GALNT13: variants seen among roughly 807,000 people sequenced by gnomAD.
The protein encoded by GALNT13 is UDP-GalNAc:polypeptide N-acetylgalactosaminyltransferase 13.
Under a neutral mutation model 64.2 loss-of-function variants are expected in GALNT13, and 28 were observed. That is an observed-to-expected ratio of 0.44 (90% confidence interval 0.32 to 0.60). The LOEUF (loss-of-function observed/expected upper bound fraction) is 0.60, where lower values mean the gene tolerates loss of function less well. Ranked by LOEUF, GALNT13 falls within the 20% of genes least tolerant of loss-of-function variation. The pLI is 0.05. For synonymous variants in GALNT13, 214 were observed against 224.6 expected (o/e 0.95, Z 0.42); for missense variants, 577 against 669.8 (o/e 0.86, Z 1.53).
chr2:153,787,392 AC>A, the GALNT13 span, among the ~76,000 whole-genome samples: 1 of 152,156 alleles, frequency 6.6e-6, no homozygotes, highest in Non-Finnish European at 1.5e-5. Context: ...GCAAATAAAG[AC>A]CCTGTACAAA....
the GALNT13 span, among the ~76,000 whole-genome samples, chr2:153,739,819 G>A: frequency 1.3e-5 from 2 of 151,398 alleles, no homozygotes; most frequent in Admixed American, 6.6e-5. Flanking sequence ...GTATATTGGT[G>A]TATAATTCTC....
chr2:154,237,791 A>G (rs1226227230), intron 4 of GALNT13, among the ~76,000 whole-genome samples: 2 of 151,706 alleles, frequency 1.3e-5, no homozygotes, highest in Non-Finnish European at 3.0e-5. Flanking sequence ...TACTGCATGT[A>G]TTGAGTTTAA....
chr2:153,800,773 C>T, the GALNT13 span, among the ~76,000 whole-genome samples: 1 of 152,148 alleles, frequency 6.6e-6, no homozygotes, highest in Non-Finnish European at 1.5e-5. Flanking sequence ...TCTTCAAAGT[C>T]TACTCCTAAT....
At chr2:153,101,198 T>G in the GALNT13 span, among the ~76,000 whole-genome samples, 1 of 152,178 alleles carries the variant, frequency 6.6e-6, no homozygotes, top group Non-Finnish European at 1.5e-5. Flanking sequence ...ACACAATTGC[T>G]TTGTGTGAAT....
the GALNT13 span, among the ~76,000 whole-genome samples, chr2:153,734,503 C>T: frequency 2.0e-5 from 3 of 152,142 alleles, no homozygotes; most frequent in Non-Finnish European, 4.4e-5. Context: ...CATACAGAAG[C>T]AGCCTTCTTA....
intron 4 of GALNT13, among the ~76,000 whole-genome samples, chr2:154,234,259 A>G (rs1347714441): frequency 6.6e-6 from 1 of 152,202 alleles, no homozygotes; most frequent in Non-Finnish European, 1.5e-5. Flanking sequence ...TAGAGATCTT[A>G]TCTATAATAT....
the GALNT13 span, among the ~76,000 whole-genome samples, chr2:153,143,609 G>T: frequency 4.6e-5 from 7 of 152,054 alleles, no homozygotes; most frequent in African/African-American, 1.7e-4. Context: ...TGCAAAGCAA[G>T]TAGCAAAGTC....
chr2:154,247,012 A>G (rs992391224), intron 7 of GALNT13, among the ~76,000 whole-genome samples: 5 of 152,050 alleles, frequency 3.3e-5, no homozygotes, highest in African/African-American at 7.2e-5. Context: ...TGACTTATCT[A>G]TTGTCACCTA....
the GALNT13 span, among the ~76,000 whole-genome samples, chr2:153,360,136 C>G: frequency 9.8e-4 from 149 of 152,266 alleles, 3 homozygotes; most frequent in South Asian, 0.031. Context: ...TGGCATGACC[C>G]ACAGAGAAGG....
At chr2:153,630,803 ATATATTTTTTTTTTT>A in the GALNT13 span, among the ~76,000 whole-genome samples, 1 of 17,534 alleles carries the variant, frequency 5.7e-5, no homozygotes, top group African/African-American at 2.2e-4. Context: ...ATATATATAT[ATATATTTTTTTTTTT>A]TTTTTTATTA....
At chr2:154,297,852 T>C (rs1559074642) in intron 8 of GALNT13, among the ~76,000 whole-genome samples, 1 of 152,052 alleles carries the variant, frequency 6.6e-6, no homozygotes, top group Non-Finnish European at 1.5e-5. Context: ...TCTGGGTGAA[T>C]GTTGGCACCA....
intron 3 of GALNT13, among the ~76,000 whole-genome samples, chr2:153,974,281 T>A (rs149559731): frequency 3.3e-5 from 5 of 152,160 alleles, no homozygotes; most frequent in Non-Finnish European, 5.9e-5. Context: ...AATACTTTCC[T>A]AAATATTTGC....
At chr2:153,583,193 A>C in the GALNT13 span, among the ~76,000 whole-genome samples, 4 of 152,352 alleles carry the variant, frequency 2.6e-5, no homozygotes, top group African/African-American at 9.6e-5. Flanking sequence ...CTGAGATGCC[A>C]GGAATAAATA....
intron 4 of GALNT13, among the ~76,000 whole-genome samples, chr2:154,168,010 G>T (rs921255087): frequency 9.2e-5 from 14 of 152,164 alleles, no homozygotes; most frequent in African/African-American, 3.4e-4. Context: ...CAGGTGGGGA[G>T]GGCATCAGTG....
intron 4 of GALNT13, among the ~76,000 whole-genome samples, chr2:154,194,660 A>G (rs1391184262): frequency 6.6e-6 from 1 of 152,066 alleles, no homozygotes; most frequent in Non-Finnish European, 1.5e-5. Flanking sequence ...CAATATTGTT[A>G]TTAGCTAAGA....
chr2:154,222,712 A>C (rs1361656738), intron 4 of GALNT13, among the ~76,000 whole-genome samples: 1 of 152,054 alleles, frequency 6.6e-6, no homozygotes, highest in Admixed American at 6.6e-5. Context: ...TACTTTTGTC[A>C]CATTATTTTC....
chr2:153,743,659 C>A, the GALNT13 span, among the ~76,000 whole-genome samples: 2 of 151,982 alleles, frequency 1.3e-5, no homozygotes, highest in Admixed American at 6.6e-5. Context: ...CAAATATTGA[C>A]CCTCTGTGTT....
chr2:153,772,165 A>T, the GALNT13 span, among the ~76,000 whole-genome samples: 5 of 152,194 alleles, frequency 3.3e-5, no homozygotes, highest in African/African-American at 1.2e-4. Flanking sequence ...ATGCAGAGCA[A>T]CTACTCCAAT....
At chr2:153,674,329 G>T in the GALNT13 span, among the ~76,000 whole-genome samples, 1 of 152,114 alleles carries the variant, frequency 6.6e-6, no homozygotes, top group East Asian at 1.9e-4. Context: ...AACCAAAACA[G>T]CATGGTACTG....
Sources: gnomAD v4.1 joint callset for allele counts (sites outside exome capture counted in the v4.1 genomes callset) on GRCh38, gnomAD v4.1.1 for gene constraint, MANE v1.5 for transcripts, NCBI Gene and HGNC (gene_info 2026-07-23, HGNC 2026-07-21) for gene names.